Variants in GCLM observed in about 807,000 individuals in gnomAD.
GCLM encodes the protein glutamate-cysteine ligase modifier subunit.
In GCLM, 15 loss-of-function variants were observed where a neutral mutation model predicts 36.0. That is an observed-to-expected ratio of 0.42 (90% CI 0.28 to 0.64). The LOEUF is 0.64. Among genes scored for constraint, GCLM ranks in the 30% least tolerant of loss-of-function variants. GCLM has a pLI of 0.25. For missense variants in GCLM, 242 were observed against 325.5 expected (o/e 0.74, Z 1.97); for synonymous variants, 129 against 122.8 (o/e 1.05, Z -0.34).
chr1:93,889,465 T>C (rs1656449135), intron 6 of GCLM, among the ~76,000 whole-genome samples: 1 of 150,366 alleles, frequency 6.7e-6, no homozygotes, highest in Non-Finnish European at 1.5e-5. Context: ...TCAGGGAAAA[T>C]ACAGGAAAGT....
At chr1:93,907,141 G>A (rs1657172799) in intron 1 of GCLM, among the ~76,000 whole-genome samples, 1 of 152,154 alleles carries the variant, frequency 6.6e-6, no homozygotes, top group Admixed American at 6.5e-5. Context: ...TTGGAGCTCT[G>A]GGTGTTACAA....
chr1:93,897,811 T>C, intron 4 of GCLM, 28 bp downstream of exon 4: 1 of 1,290,644 alleles, frequency 7.7e-7, no homozygotes, highest in Non-Finnish European at 1.1e-6. Flanking sequence ...AGTCCACTAT[T>C]AAGATAAAAA....
rs1657276956 is a variant in GCLM, at chr1:93,909,360, A to G, written c.-197T>C. On this transcript the variant is annotated 5_prime_UTR_variant, in exon 1 of 7. Transcript: ENST00000370238. ...GGACGGCGGCTGGGCGGCGGCGGGAAAGGAAGGCACCGGTGGCTGCGGCTC... is the reference window on the plus strand; with the variant it reads ...GGACGGCGGCTGGGCGGCGGCGGGAGAGGAAGGCACCGGTGGCTGCGGCTC... 1 of 998,490 alleles carries G rather than the reference A, an allele frequency of 1.0e-6. No homozygotes were observed. Among genetic ancestry groups the G allele is most frequent in the Non-Finnish European group, 1.2e-6 (1 of 833,478 alleles). The allele number at this position is 998,490 out of a possible 1,614,324, so 61.9% of individuals were successfully genotyped here.
At chr1:93,896,385 C>T (rs1298135632) in intron 5 of GCLM, among the ~76,000 whole-genome samples, 2 of 152,032 alleles carry the variant, frequency 1.3e-5, no homozygotes, top group African/African-American at 4.8e-5. Flanking sequence ...TCATTTTAAC[C>T]AGGATTAACA....
intron 4 of GCLM, among the ~76,000 whole-genome samples, chr1:93,897,200 C>T (rs1045746720): frequency 2.0e-4 from 30 of 152,154 alleles, no homozygotes; most frequent in East Asian, 1.9e-4. Flanking sequence ...TCACTACTAT[C>T]GCATATGGAT....
At position 93,896,593 on chromosome 1, in the gene GCLM, T is replaced by G. The variant is rs770263513; in HGVS notation, c.540+25A>C. The G allele has an allele frequency of 5.7e-6, 9 of 1,580,174 alleles. No homozygotes were observed. The Admixed American group carries it at 1.5e-4, about 26-fold the overall frequency. On this transcript the variant is annotated intron_variant, in intron 5 of 6. Coordinates refer to ENST00000370238, the MANE Select transcript of GCLM (RefSeq NM_002061.4). ...TGAAAAGGGCAAGTTCTTCCTGGAG[T>G]GCTCATGATCCTGCCATCCCTCACC...
At position 93,885,422 on chromosome 1, in the gene GCLM, C is replaced by CACT. The variant is rs1656270034; in HGVS notation, c.*3565_*3567dup. On this transcript the variant is annotated 3_prime_UTR_variant, in exon 7 of 7. Transcript: ENST00000370238. ...TTTATAATTTGCTATTATAGTACAC[C>CACT]ACTACAGACACATAAAAAGTTGACT... 1.3e-5 allele frequency: 2 copies of CACT among 151,856 alleles called. No homozygotes were observed. The highest frequency in any genetic ancestry group is 4.8e-5 in the African/African-American group (2 of 41,356). 9.4% of individuals were successfully genotyped at this position (151,856 alleles called of 1,614,324 possible).
intron 1 of GCLM, among the ~76,000 whole-genome samples, chr1:93,906,123 G>C (rs1195466340): frequency 6.6e-6 from 1 of 152,174 alleles, no homozygotes; most frequent in Non-Finnish European, 1.5e-5. Flanking sequence ...GATTACAAGA[G>C]ATAACTGGTT....
At chr1:93,900,874 C>G (rs1190276545) in intron 3 of GCLM, among the ~76,000 whole-genome samples, 1 of 152,084 alleles carries the variant, frequency 6.6e-6, no homozygotes, top group Non-Finnish European at 1.5e-5. Flanking sequence ...GTTATTTCAT[C>G]CAGTTTACAA....
In GCLM at chr1:93,886,997, C is replaced by CTT. The variant is rs60252290; in HGVS notation, c.*1991_*1992dup. On this transcript the variant is annotated 3_prime_UTR_variant, in exon 7 of 7. Transcript: ENST00000370238. ...AATCACATGATTTCACATAATTTTT[C>CTT]TTTTTTTTTTTTTTTTGAGACGCAG... The CTT allele has an allele frequency of 0.34, 47,213 of 137,520 alleles. 9,665 individuals carry two copies. The highest frequency in any genetic ancestry group is 0.56 in the African/African-American group (20,632 of 36,948). 8.5% of individuals were successfully genotyped at this position (137,520 alleles called of 1,614,324 possible). A position where few individuals can be genotyped will look rare whatever the true frequency, so the allele number is the denominator to read the frequency against.
chr1:93,904,299 A>G (rs566624482), intron 2 of GCLM: 122 of 503,024 alleles, frequency 2.4e-4, no homozygotes, highest in Non-Finnish European at 3.7e-4. Context: ...AGAATTAAGC[A>G]TGAGAATCCT....
intron 1 of GCLM, among the ~76,000 whole-genome samples, chr1:93,908,352 A>G (rs1342277741): frequency 6.6e-6 from 1 of 152,176 alleles, no homozygotes; most frequent in Admixed American, 6.5e-5. Context: ...TTAATTTTTG[A>G]ATTGATAGAT....
chr1:93,905,373 AAAATTTCAGACTCCTG>A (rs1657110634), intron 1 of GCLM, among the ~76,000 whole-genome samples: 1 of 152,180 alleles, frequency 6.6e-6, no homozygotes, highest in Admixed American at 6.5e-5. Context: ...GCTGTTTATT[AAAATTTCAGACTCCTG>A]AGCCTAATCC....
In GCLM at chr1:93,889,002, T is replaced by A. The variant is rs1335642720; in HGVS notation, c.813A>T (p.Arg271Ser). 2 of 1,588,840 alleles carry A rather than the reference T, an allele frequency of 1.3e-6. No homozygotes were observed. The highest frequency in any genetic ancestry group is 1.7e-6 in the Non-Finnish European group (2 of 1,169,312). The change falls in exon 7 of 7, where the codon AGA becomes AGT. Residue 271 changes from arginine to serine, a missense_variant. Transcript: ENST00000370238. ...KSKGYILQAK[R>S]RGS ...GCTCCTAAGTCAGTTAAGAACCCCT[T>A]CTTTTAGCTTGTAAAATGTAGCCTT... is the stretch of plus-strand genomic sequence containing the variant.
intron 2 of GCLM, chr1:93,904,135 T>C: frequency 4.1e-6 from 1 of 241,712 alleles, no homozygotes; most frequent in Middle Eastern, 1.5e-3. Context: ...TGGAACACAG[T>C]TCCTTATTGT....
rs940874438 is a variant in GCLM at position 93,896,531 on chromosome 1, A to T, written c.540+87T>A. On this transcript the variant is annotated intron_variant, in intron 5 of 6. Transcript: ENST00000370238. ...GAAAAGTCACCCCGCAGGGGTGGCC[A>T]CTATGTGCATGATGCTCAACAGTGT... 4 of 1,060,816 alleles carry T rather than the reference A, an allele frequency of 3.8e-6. No individual in the cohort carries two copies. In the African/African-American group the frequency reaches 6.2e-5, roughly 17 times the overall value. 65.7% of individuals were successfully genotyped at this position (1,060,816 alleles called of 1,614,324 possible).
At chr1:93,898,210 T>C (rs960885432) in intron 3 of GCLM, among the ~76,000 whole-genome samples, 3 of 149,888 alleles carry the variant, frequency 2.0e-5, no homozygotes, top group Non-Finnish European at 4.4e-5. Context: ...TATATTTTTA[T>C]GACTTAAACA....
chr1:93,894,024 G>A (rs760324450), intron 6 of GCLM, among the ~76,000 whole-genome samples: 15 of 152,120 alleles, frequency 9.9e-5, no homozygotes, highest in Admixed American at 2.6e-4. Context: ...TTGGGAGGCC[G>A]AGGTGGGGGA....
At chr1:93,908,453 G>C (rs917374172) in intron 1 of GCLM, among the ~76,000 whole-genome samples, 2 of 152,218 alleles carry the variant, frequency 1.3e-5, no homozygotes, top group Non-Finnish European at 2.9e-5. Flanking sequence ...AATGTGTACT[G>C]ATAAAGCATA....
Sources: gnomAD v4.1 joint callset for allele counts (sites outside exome capture counted in the v4.1 genomes callset) on GRCh38, gnomAD v4.1.1 for gene constraint, MANE v1.5 for transcripts, NCBI Gene and HGNC (gene_info 2026-07-23, HGNC 2026-07-21) for gene names.